PCDH7: variants seen among roughly 807,000 people sequenced by gnomAD.
PCDH7 encodes the protein protocadherin-7.
Under a neutral mutation model 58.9 loss-of-function variants are expected in PCDH7, and 17 were observed. The ratio of observed to expected loss-of-function variants is 0.29; its 90% CI spans 0.20 to 0.43. The LOEUF (loss-of-function observed/expected upper bound fraction) is 0.43. Among genes scored for constraint, PCDH7 ranks in the 20% least tolerant of loss-of-function variants. The probability of loss-of-function intolerance (pLI) is 1.00; values close to 1 mark genes in which losing one functional copy is unlikely to be tolerated. For synonymous variants in PCDH7, 664 were observed against 616.4 expected (o/e 1.08, Z -1.14); for missense variants, 1,274 against 1,441.0 (o/e 0.88, Z 1.88).
At chr4:30,902,761 G>T (rs1740401333) in intron 1 of PCDH7, among the ~76,000 whole-genome samples, 1 of 152,032 alleles carries the variant, frequency 6.6e-6, no homozygotes, top group South Asian at 2.1e-4. Flanking sequence ...TTTAGATATG[G>T]CTCACCAAGT....
chr4:30,995,549 G>A (rs995339505), intron 3 of PCDH7, among the ~76,000 whole-genome samples: 1 of 151,818 alleles, frequency 6.6e-6, no homozygotes, highest in African/African-American at 2.4e-5. Context: ...GGAAGGGTGT[G>A]TTTATTTCCT....
rs759114908 is a variant in PCDH7 at position 30,722,590 on chromosome 4, C to T, written c.1168C>T (p.Arg390Cys). The stretch of plus-strand genomic sequence containing the variant: ...GCGCTTCACGGTCATGGCCCGCGAC[C>T]GCGGGCAGCCCCCCAAGACCGACAA... The change falls in exon 1 of 2, where the codon CGC (arginine) becomes TGC (cysteine). Residue 390 changes from arginine (R) to cysteine (C), a missense_variant. Arg to Cys is a radical substitution (Grantham distance 180, BLOSUM62 -3). Transcript: ENST00000361762. The surrounding 1 kb of genome is among the most constrained non-coding windows in gnomAD (Gnocchi z 7.6). 9 of 1,613,032 alleles carry T rather than the reference C, an allele frequency of 5.6e-6. No individual in the cohort carries two copies. The South Asian group carries it at 9.9e-5, about 18-fold the overall frequency.
chr4:30,889,938 T>C (rs1738392511), intron 1 of PCDH7, among the ~76,000 whole-genome samples: 1 of 152,164 alleles, frequency 6.6e-6, no homozygotes, highest in African/African-American at 2.4e-5. Context: ...GAATGAAAAG[T>C]CTTTGTAGGC....
chr4:31,009,473 A>G (rs931872915), intron 3 of PCDH7, among the ~76,000 whole-genome samples: 2 of 152,046 alleles, frequency 1.3e-5, no homozygotes, highest in Non-Finnish European at 2.9e-5. Flanking sequence ...CAAAATCTAC[A>G]CAGTACCGGC....
At chr4:30,982,282 A>G (rs1750636456) in intron 3 of PCDH7, among the ~76,000 whole-genome samples, 1 of 152,148 alleles carries the variant, frequency 6.6e-6, no homozygotes, top group African/African-American at 2.4e-5. Context: ...AATTAGGAGG[A>G]GGCATTCTCT....
At chr4:30,771,520 C>T (rs927580807) in intron 1 of PCDH7, among the ~76,000 whole-genome samples, 4 of 152,130 alleles carry the variant, frequency 2.6e-5, no homozygotes, top group Non-Finnish European at 5.9e-5. Flanking sequence ...AGTTCTGTTT[C>T]CTTGGCACCT....
chr4:30,871,923 T>A (rs942159379), intron 1 of PCDH7, among the ~76,000 whole-genome samples: 1 of 152,114 alleles, frequency 6.6e-6, no homozygotes, highest in Admixed American at 6.6e-5. Context: ...TCTTATGGCA[T>A]CATTCTCTCT....
intron 3 of PCDH7, among the ~76,000 whole-genome samples, chr4:30,975,028 T>C (rs369264154): frequency 2.0e-5 from 3 of 152,232 alleles, no homozygotes; most frequent in Admixed American, 1.3e-4. Context: ...CTTGTAACTG[T>C]TTCCAACTGT....
intron 1 of PCDH7, among the ~76,000 whole-genome samples, chr4:30,788,407 A>G (rs947550236): frequency 1.3e-5 from 2 of 152,096 alleles, no homozygotes; most frequent in South Asian, 4.1e-4. Flanking sequence ...TCTTCTTTCT[A>G]TGTGACAATC....
chr4:30,973,017 C>CT (rs1277764585), intron 3 of PCDH7, among the ~76,000 whole-genome samples: 2 of 152,120 alleles, frequency 1.3e-5, no homozygotes, highest in Non-Finnish European at 2.9e-5. Context: ...TGATAAATAC[C>CT]TTTTCCAACC....
intron 2 of PCDH7, among the ~76,000 whole-genome samples, chr4:30,941,674 TAGAA>T (rs936268172): frequency 1.3e-5 from 2 of 151,922 alleles, no homozygotes; most frequent in African/African-American, 4.8e-5. Flanking sequence ...AGTGGAAATA[TAGAA>T]ATTCTCACTC....
chr4:30,990,912 T>G (rs536070177), intron 3 of PCDH7, among the ~76,000 whole-genome samples: 1 of 152,234 alleles, frequency 6.6e-6, no homozygotes, highest in South Asian at 2.1e-4. Flanking sequence ...TTTTTTATAG[T>G]AGGTATAAAA....
intron 1 of PCDH7, chr4:30,724,981 A>G: frequency 9.8e-7 from 1 of 1,022,878 alleles, no homozygotes; most frequent in Non-Finnish European, 1.2e-6. Flanking sequence ...GGATAATTAC[A>G]TCCAGAGAAA....
chr4:30,888,293 C>CAT, intron 1 of PCDH7, among the ~76,000 whole-genome samples: 2 of 151,864 alleles, frequency 1.3e-5, no homozygotes, highest in African/African-American at 4.8e-5. Context: ...CACACACATA[C>CAT]ACACACACAC....
chr4:31,093,136 C>A (rs532042224), intron 3 of PCDH7, among the ~76,000 whole-genome samples: 31 of 152,164 alleles, frequency 2.0e-4, no homozygotes, highest in African/African-American at 7.5e-4. Flanking sequence ...CCTTATTTCC[C>A]TCAGATATTG....
chr4:30,887,968 C>T (rs1005769097), intron 1 of PCDH7, among the ~76,000 whole-genome samples: 2 of 151,710 alleles, frequency 1.3e-5, no homozygotes, highest in East Asian at 1.9e-4. Flanking sequence ...CTCTGCCTCC[C>T]GGGTGCAAGC....
At chr4:31,041,709 T>C (rs774575976) in intron 3 of PCDH7, among the ~76,000 whole-genome samples, 5 of 152,156 alleles carry the variant, frequency 3.3e-5, no homozygotes, top group Admixed American at 6.6e-5. Flanking sequence ...TCAAACAGGC[T>C]GTTGCAATTT....
intron 1 of PCDH7, among the ~76,000 whole-genome samples, chr4:30,768,067 A>G (rs1242471045): frequency 1.3e-5 from 2 of 152,230 alleles, no homozygotes; most frequent in Non-Finnish European, 2.9e-5. Context: ...ACTCAGAATC[A>G]GAAAAATTCA....
At chr4:31,138,552 C>T (rs753589153) in intron 3 of PCDH7, among the ~76,000 whole-genome samples, 50 of 152,178 alleles carry the variant, frequency 3.3e-4, no homozygotes, top group Admixed American at 1.2e-3. Context: ...ACTTATTCTT[C>T]GGCTTCAGCT....
Sources: gnomAD v4.1 joint callset for allele counts (sites outside exome capture counted in the v4.1 genomes callset) on GRCh38, gnomAD v4.1.1 for gene constraint, Gnocchi (gnomAD v3.1) non-coding constraint, MANE v1.5 for transcripts, NCBI Gene and HGNC (gene_info 2026-07-23, HGNC 2026-07-21) for gene names.